Variants in RHPN2 observed in about 807,000 individuals in gnomAD.
RHPN2 encodes the protein rhophilin-2.
In RHPN2, 40 loss-of-function variants were observed where a neutral mutation model predicts 79.0. That is an observed-to-expected ratio of 0.51 (90% CI 0.39 to 0.66). The LOEUF is 0.66. RHPN2 is among the 30% of genes least tolerant of loss of function. The pLI, the probability that RHPN2 is intolerant of heterozygous loss-of-function variation, is 0.00. For missense variants in RHPN2, 686 were observed against 883.5 expected (o/e 0.78, Z 2.83); for synonymous variants, 285 against 363.5 (o/e 0.78, Z 2.46).
intron 1 of RHPN2, among the ~76,000 whole-genome samples, chr19:33,050,094 C>T (rs1008151536): frequency 1.3e-5 from 2 of 152,164 alleles, no homozygotes; most frequent in Middle Eastern, 3.2e-3. Context: ...CTGACTTCTG[C>T]CTGGCCCATT....
chr19:33,007,213 G>A (rs1283970662), intron 7 of RHPN2, among the ~76,000 whole-genome samples: 5 of 151,656 alleles, frequency 3.3e-5, no homozygotes, highest in Admixed American at 3.3e-4. Context: ...GGGGCAGGGT[G>A]CGGTGGCTCA....
chr19:32,992,140 C>T, intron 12 of RHPN2, 171 bp from the exon 13 acceptor site: 1 of 672,472 alleles, frequency 1.5e-6, no homozygotes, highest in South Asian at 1.7e-5. Flanking sequence ...CCTGGAAAGC[C>T]ATCTTCTCAA....
At chr19:33,048,523 C>T (rs1441674840) in intron 1 of RHPN2, among the ~76,000 whole-genome samples, 3 of 149,822 alleles carry the variant, frequency 2.0e-5, no homozygotes, top group South Asian at 2.1e-4. Flanking sequence ...GACAGGAGTT[C>T]GAGAACAGCC....
At position 32,990,632 on chromosome 19, in the gene RHPN2, A is replaced by T; in HGVS notation, c.1682T>A (p.Ile561Asn). 2 of 1,613,986 alleles carry T rather than the reference A, an allele frequency of 1.2e-6. No homozygotes were observed. The highest frequency in any genetic ancestry group is 8.5e-7 in the Non-Finnish European group (1 of 1,179,872). The change falls in exon 14 of 15, where the codon ATT becomes AAT. Residue 561 changes from isoleucine to asparagine, a missense_variant. Ile to Asn is a moderately radical substitution (Grantham distance 149). Coordinates refer to ENST00000254260, the MANE Select transcript of RHPN2 (RefSeq NM_033103.5). ...GAREGDYIVS[I>N]QLVDCKWLTL... ...CAGCCACTTACAATCCACAAGCTGA[A>T]TGGAGACAATATAATCTCCTTCCCG...
In RHPN2 at chr19:32,999,625, A is replaced by G; in HGVS notation, c.1186T>C (p.Leu396=). 1 of 1,613,076 alleles carries G rather than the reference A, an allele frequency of 6.2e-7. No homozygotes were observed. Among genetic ancestry groups the G allele is most frequent in the South Asian group, 1.1e-5 (1 of 91,044 alleles). The part of the protein sequence containing the change: ...YDHMPEGLTP[L]ATLKNDQQRR... ...TGCTGATCATTCTTCAGTGTGGCCA[A>G]GGGTGTCAGCCCCTCTGGCATGTGG... Residue 396 remains leucine (L), a synonymous_variant, in exon 10 of 15, where the codon TTG becomes CTG. Transcript: ENST00000254260.
At chr19:32,997,779 C>A (rs1177957167) in intron 10 of RHPN2, among the ~76,000 whole-genome samples, 1 of 152,178 alleles carries the variant, frequency 6.6e-6, no homozygotes, top group Non-Finnish European at 1.5e-5. Context: ...GTGTGAGCCA[C>A]CACACCCGGC....
intron 1 of RHPN2, among the ~76,000 whole-genome samples, chr19:33,059,094 CA>C (rs111269530): frequency 1.4e-5 from 2 of 147,794 alleles, no homozygotes; most frequent in Admixed American, 6.8e-5. Flanking sequence ...GACTCTGTCT[CA>C]AAAAAAAATA....
chr19:33,001,999 G>T (rs750757196), intron 9 of RHPN2, among the ~76,000 whole-genome samples: 2 of 152,094 alleles, frequency 1.3e-5, no homozygotes, highest in African/African-American at 2.4e-5. Context: ...GATTCCAGGT[G>T]AAAATTCATC....
At chr19:33,062,332 T>A (rs1018926381) in intron 1 of RHPN2, among the ~76,000 whole-genome samples, 8 of 151,746 alleles carry the variant, frequency 5.3e-5, no homozygotes, top group Non-Finnish European at 8.8e-5. Context: ...GTGGTTGATA[T>A]GCGCCTGTAG....
rs1166281911 is a variant in RHPN2, at chr19:33,034,888, TAGG to T, written c.186-8259_186-8257del. On this transcript the variant is annotated intron_variant, in intron 2 of 14. Transcript: ENST00000254260. ...CTGAGGCAGGAGGACTGCTTGAGGC[TAGG>T]AGTTCAAGACCAGCCGAAGCAACAT... is the stretch of plus-strand genomic sequence containing the variant. 2.6e-5 allele frequency among the ~76,000 whole-genome samples: 4 copies of T among 151,804 alleles called. No individual in the cohort carries two copies. In the East Asian group the frequency reaches 7.7e-4, roughly 29 times the overall value.
chr19:32,992,595 G>A (rs1971669699), intron 12 of RHPN2, among the ~76,000 whole-genome samples: 1 of 152,176 alleles, frequency 6.6e-6, no homozygotes, highest in Admixed American at 6.6e-5. Flanking sequence ...GATCGCTCGA[G>A]GCCAGGGGTT....
chr19:33,002,307 C>T lies in RHPN2; in HGVS notation c.1045G>A (p.Ala349Thr), dbSNP rs1396509245. ...YSWASLACVK[A>T]HHYAALAHYF... ...TGGGCCAGGGCCGCGTAGTGGTGGG[C>T]CTTCACGCAGGCTAAGCTGGCCCAG... The change falls in exon 9 of 15, where the codon GCC becomes ACC. Residue 349 changes from alanine (A) to threonine (T), a missense_variant. Physicochemically the swap from Ala to Thr is moderately conservative, Grantham distance 58. Transcript: ENST00000254260. 2 of 1,613,738 alleles carry T rather than the reference C, an allele frequency of 1.2e-6. No individual in the cohort carries two copies. The highest frequency in any genetic ancestry group is 1.7e-6 in the Non-Finnish European group (2 of 1,179,880).
At chr19:33,014,526 G>A (rs35550433) in intron 4 of RHPN2, among the ~76,000 whole-genome samples, 9 of 151,848 alleles carry the variant, frequency 5.9e-5, no homozygotes, top group Non-Finnish European at 7.4e-5. Context: ...GGCTGGTCTC[G>A]GACTCCTGGC....
chr19:33,058,082 C>T, intron 1 of RHPN2, among the ~76,000 whole-genome samples: 1 of 152,170 alleles, frequency 6.6e-6, no homozygotes. Flanking sequence ...ATTGCTTGAA[C>T]CCCGGAGGCG....
chr19:33,062,330 T>C (rs1409468888), intron 1 of RHPN2, among the ~76,000 whole-genome samples: 1 of 151,770 alleles, frequency 6.6e-6, no homozygotes, highest in Non-Finnish European at 1.5e-5. Flanking sequence ...GCGTGGTTGA[T>C]ATGCGCCTGT....
At chr19:33,017,847 C>A (rs1424802674) in intron 4 of RHPN2, among the ~76,000 whole-genome samples, 1 of 151,918 alleles carries the variant, frequency 6.6e-6, no homozygotes, top group Admixed American at 6.6e-5. Context: ...ATGGTGAAAC[C>A]CTGTCTCTAC....
chr19:33,050,569 T>G (rs1293588443), intron 1 of RHPN2, among the ~76,000 whole-genome samples: 1 of 152,228 alleles, frequency 6.6e-6, no homozygotes, highest in African/African-American at 2.4e-5. Context: ...TGTCTGCTTT[T>G]GAACTATGTA....
Position 33,002,342 on chromosome 19 carries a change from A to T in RHPN2, c.1010T>A (p.Ile337Asn). Residue 337 changes from isoleucine (I) to asparagine (N), a missense_variant, in exon 9 of 15, where the codon ATC (isoleucine) becomes AAC (asparagine). Coordinates refer to ENST00000254260, the MANE Select transcript of RHPN2 (RefSeq NM_033103.5). The stretch of plus-strand genomic sequence containing the variant: ...GGCTAAGCTGGCCCAGGAGTAGGGG[A>T]TGTTCTCTTTCACCGGCGCCTGGCT... ...AMSQAPVKEN[I>N]PYSWASLACV... is the part of the protein sequence containing the mutation. 6.2e-7 allele frequency: 1 copy of T among 1,613,866 alleles called. No homozygotes were observed.
intron 9 of RHPN2, among the ~76,000 whole-genome samples, chr19:33,001,879 C>T (rs1272866561): frequency 3.9e-5 from 6 of 152,198 alleles, no homozygotes; most frequent in African/African-American, 9.7e-5. Context: ...GCTGAGATTA[C>T]AGGCATGAGC....
Sources: gnomAD v4.1 joint callset for allele counts (sites outside exome capture counted in the v4.1 genomes callset) on GRCh38, gnomAD v4.1.1 for gene constraint, MANE v1.5 for transcripts, NCBI Gene and HGNC (gene_info 2026-07-23, HGNC 2026-07-21) for gene names.